AUTS2: variants seen among roughly 807,000 people sequenced by gnomAD.
AUTS2 encodes activator of transcription and developmental regulator AUTS2, also known as autism susceptibility gene 2 protein.
Under a neutral mutation model 112.4 loss-of-function variants are expected in AUTS2, and 17 were observed. That is an observed-to-expected ratio of 0.15 (90% confidence interval 0.10 to 0.23). AUTS2 has a LOEUF of 0.23. AUTS2 is among the 10% of genes least tolerant of loss of function. AUTS2 has a pLI of 1.00. For synonymous variants in AUTS2, 751 were observed against 702.7 expected, an observed-to-expected ratio of 1.07 and a Z score of -1.09; for missense variants, 1,510 against 1,701.6, an observed-to-expected ratio of 0.89 and a Z score of 1.98.
intron 2 of AUTS2, among the ~76,000 whole-genome samples, chr7:69,915,509 G>A (rs1047365216): frequency 6.6e-6 from 1 of 152,100 alleles, no homozygotes; most frequent in Admixed American, 6.6e-5. Context: ...CAAGAAAATA[G>A]GTGTATTTTC....
intron 2 of AUTS2, among the ~76,000 whole-genome samples, chr7:69,932,426 G>A (rs1796260349): frequency 6.6e-6 from 1 of 152,188 alleles, no homozygotes; most frequent in Non-Finnish European, 1.5e-5. Context: ...GCAAGGGAGG[G>A]TGGGGAGGAA....
intron 1 of AUTS2, among the ~76,000 whole-genome samples, chr7:69,709,648 T>A (rs560199146): frequency 6.6e-6 from 1 of 152,334 alleles, no homozygotes; most frequent in South Asian, 2.1e-4. Flanking sequence ...ACAGGTACTT[T>A]TGTTTATGCT....
At chr7:70,624,689 T>C (rs1253768313) in intron 5 of AUTS2, among the ~76,000 whole-genome samples, 2 of 152,102 alleles carry the variant, frequency 1.3e-5, no homozygotes, top group Non-Finnish European at 2.9e-5. Flanking sequence ...CTTAGAGTGA[T>C]GTAAGGTAGA....
At chr7:69,961,295 CTCCCTCT>C (rs1371438589) in intron 2 of AUTS2, among the ~76,000 whole-genome samples, 9 of 152,122 alleles carry the variant, frequency 5.9e-5, no homozygotes, top group African/African-American at 2.2e-4. Context: ...AAATGTATAA[CTCCCTCT>C]ATCTCTGATA....
chr7:70,173,719 T>C (rs574576977), intron 4 of AUTS2, among the ~76,000 whole-genome samples: 1 of 152,344 alleles, frequency 6.6e-6, no homozygotes, highest in South Asian at 2.1e-4. Flanking sequence ...TGGTAATTCT[T>C]GCACTATTTC....
chr7:69,927,615 C>T (rs991104854), intron 2 of AUTS2, among the ~76,000 whole-genome samples: 1 of 152,208 alleles, frequency 6.6e-6, no homozygotes, highest in Admixed American at 6.5e-5. Flanking sequence ...CTACCAACCT[C>T]GGTCCTACGC....
chr7:70,491,910 C>T (rs549158849), intron 5 of AUTS2, among the ~76,000 whole-genome samples: 18 of 152,170 alleles, frequency 1.2e-4, no homozygotes, highest in Non-Finnish European at 1.9e-4. Flanking sequence ...CCACCGCACC[C>T]GGCCAAATGA....
intron 4 of AUTS2, among the ~76,000 whole-genome samples, chr7:70,155,830 A>G (rs1279725232): frequency 6.6e-6 from 1 of 152,136 alleles, no homozygotes; most frequent in East Asian, 1.9e-4. Context: ...TTTGGAGGTA[A>G]GAGAGGAGCC....
At chr7:69,991,186 C>T (rs572614162) in intron 2 of AUTS2, among the ~76,000 whole-genome samples, 3 of 152,306 alleles carry the variant, frequency 2.0e-5, no homozygotes, top group Admixed American at 6.5e-5. Flanking sequence ...GAACAGGAAC[C>T]TCTTCATTTC....
At chr7:69,681,848 CT>C (rs2129169053) in intron 1 of AUTS2, among the ~76,000 whole-genome samples, 1 of 152,242 alleles carries the variant, frequency 6.6e-6, no homozygotes, top group East Asian at 1.9e-4. Flanking sequence ...TTTTCTTACT[CT>C]TTAACTGCCC....
At chr7:69,606,355 A>G (rs1410948873) in intron 1 of AUTS2, among the ~76,000 whole-genome samples, 2 of 92,506 alleles carry the variant, frequency 2.2e-5, no homozygotes, top group Non-Finnish European at 5.1e-5. Flanking sequence ...GGAATAATTT[A>G]GGTCTAAGAG....
chr7:70,133,691 G>A (rs1806393822), intron 3 of AUTS2, among the ~76,000 whole-genome samples: 1 of 152,156 alleles, frequency 6.6e-6, no homozygotes, highest in African/African-American at 2.4e-5. Flanking sequence ...TCACAAAGAG[G>A]AAGAGGATGC....
chr7:70,055,615 G>A (rs538354018), intron 2 of AUTS2, among the ~76,000 whole-genome samples: 1 of 152,282 alleles, frequency 6.6e-6, no homozygotes, highest in East Asian at 1.9e-4. Flanking sequence ...GACAGAAGCA[G>A]TGGTCAGTCA....
intron 4 of AUTS2, among the ~76,000 whole-genome samples, chr7:70,257,663 A>G (rs1786954796): frequency 7.0e-6 from 1 of 142,930 alleles, no homozygotes; most frequent in Non-Finnish European, 1.5e-5. Flanking sequence ...TCACTGTGTT[A>G]CCCAGGCTGG....
At chr7:70,219,274 G>A (rs1203076470) in intron 4 of AUTS2, among the ~76,000 whole-genome samples, 3 of 152,210 alleles carry the variant, frequency 2.0e-5, no homozygotes, top group African/African-American at 7.2e-5. Flanking sequence ...ATGACAAGGT[G>A]AAATTGACAA....
intron 2 of AUTS2, among the ~76,000 whole-genome samples, chr7:70,106,043 T>C (rs748540799): frequency 9.2e-5 from 14 of 152,248 alleles, no homozygotes; most frequent in Non-Finnish European, 8.8e-5. Flanking sequence ...GGGAAATTCA[T>C]GGTTCTCTTT....
At chr7:70,171,573 C>T (rs566025755) in intron 4 of AUTS2, among the ~76,000 whole-genome samples, 1 of 152,296 alleles carries the variant, frequency 6.6e-6, no homozygotes, top group South Asian at 2.1e-4. Context: ...AAACATGACT[C>T]AGAATTAGAG....
At position 70,711,698 on chromosome 7, in the gene AUTS2, G is replaced by A. The variant is rs539124023; in HGVS notation, c.742+13078G>A. Reference sequence around the variant, plus strand: ...CATGCTAGTTACTGCTGCAAGTGAGGCCTCTCATGTAGACCATGACAAGCG... The same window carrying A: ...CATGCTAGTTACTGCTGCAAGTGAGACCTCTCATGTAGACCATGACAAGCG... On this transcript the variant is annotated intron_variant, in intron 6 of 18. Transcript: ENST00000342771. Among the ~76,000 whole-genome samples, 264 of 152,254 alleles carry A rather than the reference G, an allele frequency of 1.7e-3. 3 individuals carry two copies. The highest frequency in any genetic ancestry group is 2.9e-3 in the Non-Finnish European group (198 of 68,016).
chr7:69,819,986 A>G (rs1016721875), intron 1 of AUTS2, among the ~76,000 whole-genome samples: 21 of 152,234 alleles, frequency 1.4e-4, no homozygotes, highest in South Asian at 4.1e-4. Context: ...TATTTATCAA[A>G]GGAGACTGTT....
Sources: allele counts gnomAD v4.1 joint callset (sites outside exome capture counted in the v4.1 genomes callset), GRCh38; gene constraint gnomAD v4.1.1; transcripts MANE v1.5; gene names NCBI Gene and HGNC (gene_info 2026-07-23, HGNC 2026-07-21).